Variants in CSMD1 observed in about 807,000 individuals in gnomAD.
CSMD1 encodes CUB and sushi domain-containing protein 1.
Under a neutral mutation model 417.5 loss-of-function variants are expected in CSMD1, and 213 were observed. That is an observed-to-expected ratio of 0.51 (90% CI 0.46 to 0.57). The LOEUF is 0.57. Ranked by LOEUF, CSMD1 falls within the 20% of genes least tolerant of loss-of-function variation. The probability of loss-of-function intolerance (pLI) is 0.00; values close to 1 mark genes in which losing one functional copy is unlikely to be tolerated. For missense variants in CSMD1, 6,923 were observed against 4,529.7 expected (o/e 1.53, Z -15.17); for synonymous variants, 2,862 against 1,736.8 (o/e 1.65, Z -16.11).
intron 23 of CSMD1, among the ~76,000 whole-genome samples, chr8:3,309,406 C>G (rs761692016): frequency 6.3e-5 from 9 of 142,854 alleles, no homozygotes; most frequent in Non-Finnish European, 1.2e-4. Context: ...GAAATCCACA[C>G]AACAACAGAA....
At chr8:3,126,265 A>C (rs749488642) in intron 41 of CSMD1, among the ~76,000 whole-genome samples, 5 of 152,334 alleles carry the variant, frequency 3.3e-5, no homozygotes, top group Admixed American at 6.5e-5. Context: ...TAGTTCAGTA[A>C]AGCTTAGTCT....
Position 4,796,848 on chromosome 8 carries a change from C to T in CSMD1, c.86-159290G>A, listed in dbSNP as rs1361897794. On this transcript the variant is annotated intron_variant, in intron 1 of 69. Coordinates refer to ENST00000635120, the MANE Select transcript of CSMD1 (RefSeq NM_033225.6). ...CAGTACAATTTCTCTTGGACAATTG[C>T]AAAGGTCTGGGGTCAGGCAAGCCGC... Among the ~76,000 whole-genome samples the T allele has an allele frequency of 2.6e-5, 4 of 152,264 alleles. No individual in the cohort carries two copies. The East Asian group carries it at 5.8e-4, about 22-fold the overall frequency.
intron 7 of CSMD1, among the ~76,000 whole-genome samples, chr8:3,707,336 T>C (rs887192499): frequency 1.3e-5 from 2 of 152,164 alleles, no homozygotes; most frequent in Non-Finnish European, 2.9e-5. Context: ...CAGATGTCCA[T>C]CCCAGCCCTT....
chr8:3,807,286 C>G (rs1013451169), intron 5 of CSMD1, among the ~76,000 whole-genome samples: 4 of 152,154 alleles, frequency 2.6e-5, no homozygotes, highest in African/African-American at 7.2e-5. Context: ...GCAACCTATA[C>G]CGCATGCCAG....
intron 37 of CSMD1, among the ~76,000 whole-genome samples, chr8:3,170,621 T>C (rs1476435263): frequency 6.6e-6 from 1 of 152,230 alleles, no homozygotes; most frequent in Non-Finnish European, 1.5e-5. Context: ...CATGAGCTCC[T>C]AAAGATTGAT....
intron 3 of CSMD1, among the ~76,000 whole-genome samples, chr8:4,128,939 G>A (rs926092772): frequency 1.6e-4 from 25 of 151,972 alleles, no homozygotes; most frequent in African/African-American, 6.0e-4. Context: ...AGCCGGGCAT[G>A]GTGGCATGTG....
intron 3 of CSMD1, among the ~76,000 whole-genome samples, chr8:4,315,715 T>A (rs35624824): frequency 6.6e-6 from 1 of 152,154 alleles, no homozygotes; most frequent in South Asian, 2.1e-4. Flanking sequence ...TTTGTAGGTA[T>A]AGATTGAGCT....
At chr8:3,753,850 C>T (rs1025892003) in intron 6 of CSMD1, 80 bp downstream of exon 6, 46 of 934,498 alleles carry the variant, frequency 4.9e-5, no homozygotes, top group Middle Eastern at 2.2e-4. Context: ...TTATCCAACT[C>T]CTAAAATTTC....
intron 11 of CSMD1, among the ~76,000 whole-genome samples, chr8:3,478,341 G>A (rs539837069): frequency 5.9e-5 from 9 of 152,288 alleles, no homozygotes; most frequent in East Asian, 3.9e-4. Context: ...AAAGCCCAAC[G>A]TGATGCTACT....
intron 56 of CSMD1, among the ~76,000 whole-genome samples, chr8:2,973,891 A>G (rs943782462): frequency 6.7e-6 from 1 of 148,916 alleles, no homozygotes. Flanking sequence ...ATGGTAGAGG[A>G]TGATGGTAGA....
At chr8:2,987,933 G>A (rs1475295833) in intron 54 of CSMD1, among the ~76,000 whole-genome samples, 1 of 152,154 alleles carries the variant, frequency 6.6e-6, no homozygotes, top group Non-Finnish European at 1.5e-5. Flanking sequence ...GGATGTGCAG[G>A]TTTGTTCCAT....
At chr8:4,245,724 T>C (rs1043041325) in intron 3 of CSMD1, among the ~76,000 whole-genome samples, 2 of 152,174 alleles carry the variant, frequency 1.3e-5, no homozygotes, top group African/African-American at 2.4e-5. Context: ...TGCTCTAAGA[T>C]ATACACTTCT....
At chr8:4,173,272 A>T (rs1050732999) in intron 3 of CSMD1, among the ~76,000 whole-genome samples, 5 of 152,184 alleles carry the variant, frequency 3.3e-5, no homozygotes, top group African/African-American at 4.8e-5. Flanking sequence ...ATAAAATTTT[A>T]AAAATGTTCT....
At chr8:3,889,164 T>G (rs1012150406) in intron 5 of CSMD1, among the ~76,000 whole-genome samples, 14 of 151,808 alleles carry the variant, frequency 9.2e-5, no homozygotes, top group Non-Finnish European at 1.8e-4. Flanking sequence ...GAAAACAAAA[T>G]GAAGTGTGAC....
chr8:3,097,095 G>C (rs192852856), intron 46 of CSMD1, 58 bp from the exon 47 acceptor site: 2 of 1,329,878 alleles, frequency 1.5e-6, no homozygotes, highest in Non-Finnish European at 2.0e-6. Flanking sequence ...AACTGCAATA[G>C]GATAGTTTCT....
chr8:3,735,498 G>C (rs1333863120), intron 6 of CSMD1, among the ~76,000 whole-genome samples: 1 of 152,178 alleles, frequency 6.6e-6, no homozygotes, highest in Non-Finnish European at 1.5e-5. Context: ...ATGTTTCCCT[G>C]TGTATTAGCT....
chr8:3,749,076 G>A (rs1415597427), intron 6 of CSMD1, among the ~76,000 whole-genome samples: 2 of 152,200 alleles, frequency 1.3e-5, no homozygotes, highest in African/African-American at 2.4e-5. Flanking sequence ...ATTTAGTAGT[G>A]AGGGGGCCCT....
At chr8:3,626,810 C>G (rs1796512857) in intron 7 of CSMD1, among the ~76,000 whole-genome samples, 1 of 149,234 alleles carries the variant, frequency 6.7e-6, no homozygotes, top group African/African-American at 2.4e-5. Context: ...ACTATGTATA[C>G]TAAATATAAT....
chr8:3,814,434 C>T lies in CSMD1; in HGVS notation c.819-60392G>A, dbSNP rs59246769. Among the ~76,000 whole-genome samples, 178 of 152,306 alleles carry T rather than the reference C, an allele frequency of 1.2e-3. 2 individuals carry two copies. In the East Asian group the frequency reaches 0.031, roughly 26 times the overall value. On this transcript the variant is annotated intron_variant, in intron 5 of 69. Coordinates refer to ENST00000635120, the MANE Select transcript of CSMD1 (RefSeq NM_033225.6). Reference sequence around the variant, plus strand: ...AAACAAACACCTGTCATCTCTAGAGCATGACAGAATTGTCATGAAATAATG... The same window carrying T: ...AAACAAACACCTGTCATCTCTAGAGTATGACAGAATTGTCATGAAATAATG...
Sources: gnomAD v4.1 joint callset for allele counts (sites outside exome capture counted in the v4.1 genomes callset) on GRCh38, gnomAD v4.1.1 for gene constraint, MANE v1.5 for transcripts, NCBI Gene and HGNC (gene_info 2026-07-23, HGNC 2026-07-21) for gene names.